Variants in RTL9 observed in about 807,000 individuals in gnomAD.
The protein encoded by RTL9 is retrotransposon Gag-like protein 9.
A neutral mutation model predicts 44.7 loss-of-function variants in RTL9; 19 were observed. The observed-to-expected ratio is 0.42, with a 90% CI of 0.30 to 0.62. The LOEUF (loss-of-function observed/expected upper bound fraction) is 0.62, where lower values mean the gene tolerates loss of function less well. RTL9 is among the 20% of genes least tolerant of loss of function. The pLI, the probability that RTL9 is intolerant of heterozygous loss-of-function variation, is 0.16. For missense variants in RTL9, 1,105 were observed against 1,080.6 expected (o/e 1.02, Z -0.32); for synonymous variants, 407 against 398.9 (o/e 1.02, Z -0.24).
chrX:110,398,595 G>A lies in RTL9; in HGVS notation c.-168+39679G>A, dbSNP rs766870511. Among the ~76,000 whole-genome samples, 3 of 111,687 alleles carry A rather than the reference G, an allele frequency of 2.7e-5. No homozygotes were observed. The East Asian group carries it at 8.5e-4, about 32-fold the overall frequency. On this transcript the variant is annotated intron_variant, in intron 1 of 2. Coordinates refer to the RTL9 transcript ENST00000520821. ...TGGGGCTCAGAGAGGTTAGTGACTT[G>A]CCCAAGGTCATAGAACTAGGACACA...
At chrX:110,402,438 G>C (rs902761244) in intron 1 of RTL9, among the ~76,000 whole-genome samples, 4 of 112,967 alleles carry the variant, frequency 3.5e-5, no homozygotes, top group South Asian at 3.6e-4. Context: ...TCCTGTCAGG[G>C]AGAGGAGACG....
exon 1 of RTL9, chrX:110,454,627 T>C: frequency 8.3e-7 from 1 of 1,204,802 alleles, no homozygotes; most frequent in Admixed American, 2.2e-5. Flanking sequence ...GAGGAGGCCA[T>C]GGGGAATGAA....
At chrX:110,415,630 A>G, upstream of RTL9, among the ~76,000 whole-genome samples, 1 of 111,435 alleles carries the variant, frequency 9.0e-6, no homozygotes, top group Non-Finnish European at 1.9e-5. Flanking sequence ...TTGCATGGTC[A>G]GGAATCTTGC....
chrX:110,369,193 G>A (rs1473052941), intron 1 of RTL9, among the ~76,000 whole-genome samples: 1 of 110,777 alleles, frequency 9.0e-6, no homozygotes, highest in East Asian at 2.8e-4. Flanking sequence ...TTAACCGGGT[G>A]TGGTGGCACG....
chrX:110,380,364 A>G (rs1569418495), intron 1 of RTL9, among the ~76,000 whole-genome samples: 2 of 111,898 alleles, frequency 1.8e-5, no homozygotes, highest in African/African-American at 3.3e-5. Context: ...AAAAAAAATT[A>G]AATACCTAAG....
At chrX:110,430,428 A>C (rs147178690) in intron 1 of RTL9, among the ~76,000 whole-genome samples, 1 of 112,601 alleles carries the variant, frequency 8.9e-6, no homozygotes, top group East Asian at 2.8e-4. Flanking sequence ...TTATCTTCAC[A>C]TTACAGAGGA....
chrX:110,392,631 C>T (rs2068502636), intron 1 of RTL9, among the ~76,000 whole-genome samples: 1 of 111,106 alleles, frequency 9.0e-6, no homozygotes, highest in African/African-American at 3.3e-5. Context: ...AATCCATTTA[C>T]AAGGGCTCAC....
upstream of RTL9, among the ~76,000 whole-genome samples, chrX:110,417,829 G>A (rs138322352): frequency 8.6e-4 from 97 of 112,622 alleles, no homozygotes; most frequent in Middle Eastern, 4.6e-3. Context: ...TGAGGCTGAT[G>A]TTGTTATCCC....
At chrX:110,371,782 T>C (rs1390615199) in intron 1 of RTL9, among the ~76,000 whole-genome samples, 1 of 111,680 alleles carries the variant, frequency 9.0e-6, no homozygotes. Context: ...CTATGGCTAC[T>C]CTGTCTAGGT....
upstream of RTL9, among the ~76,000 whole-genome samples, chrX:110,448,535 T>C (rs1180613616): frequency 9.2e-6 from 1 of 108,346 alleles, no homozygotes; most frequent in Non-Finnish European, 1.9e-5. Context: ...TGGAGTTGCA[T>C]AGGCCAAGTG....
chrX:110,442,597 G>A (rs1001159767), intron 1 of RTL9, among the ~76,000 whole-genome samples: 2 of 111,566 alleles, frequency 1.8e-5, no homozygotes, highest in African/African-American at 6.5e-5. Context: ...TGAAAAGTCA[G>A]AATTAAATAG....
chrX:110,442,787 C>T (rs1406136809), intron 1 of RTL9, among the ~76,000 whole-genome samples: 1 of 111,673 alleles, frequency 9.0e-6, no homozygotes, highest in African/African-American at 3.3e-5. Flanking sequence ...GGTGACTATT[C>T]TTGGTACCAC....
intron 1 of RTL9, among the ~76,000 whole-genome samples, chrX:110,401,782 G>A (rs138052073): frequency 0.011 from 1,180 of 112,151 alleles, 9 homozygotes; most frequent in Middle Eastern, 0.023. Context: ...TTCCTCCCCT[G>A]TAAAATGGAT....
In RTL9 at chrX:110,453,676, G is replaced by C. The variant is rs1163071757; in HGVS notation, c.3059G>C (p.Arg1020Thr). The C allele has an allele frequency of 2.5e-6, 3 of 1,211,919 alleles. No individual in the cohort carries two copies. The South Asian group carries it at 5.3e-5, about 21-fold the overall frequency. ...GGAAGGATGGCCACAGCGCCAATTA[G>C]AGCCTCTGCTTCTGGAGCAAGGTCC... The change falls in exon 1 of 2, where the codon AGA becomes ACA. Residue 1020 changes from arginine (R) to threonine (T), a missense_variant. Arg to Thr is a moderately conservative substitution (Grantham distance 71). Transcript: ENST00000540313.
chrX:110,440,779 T>C (rs924259245), intron 1 of RTL9, among the ~76,000 whole-genome samples: 1 of 112,534 alleles, frequency 8.9e-6, no homozygotes, highest in African/African-American at 3.2e-5. Context: ...TAAGTAAATG[T>C]CAGCTTCTTA....
chrX:110,399,823 T>C (rs1030216203), intron 1 of RTL9, among the ~76,000 whole-genome samples: 1 of 111,930 alleles, frequency 8.9e-6, no homozygotes, highest in Non-Finnish European at 1.9e-5. Flanking sequence ...GGGAGTTCTA[T>C]GGAGTTCGAA....
intron 1 of RTL9, among the ~76,000 whole-genome samples, chrX:110,393,422 T>G (rs752734566): frequency 8.9e-6 from 1 of 111,976 alleles, no homozygotes; most frequent in Non-Finnish European, 1.9e-5. Flanking sequence ...ACAAGGCAGA[T>G]ACTATTATCT....
chrX:110,399,022 A>G (rs773117857), intron 1 of RTL9, among the ~76,000 whole-genome samples: 11 of 112,197 alleles, frequency 9.8e-5, no homozygotes, highest in African/African-American at 3.6e-4. Context: ...GTTACCTATT[A>G]GCCGTTTCTC....
Position 110,364,900 on chromosome X carries a change from G to T in RTL9, c.-168+5984G>T, listed in dbSNP as rs143052609. Among the ~76,000 whole-genome samples the T allele has an allele frequency of 8.0e-3, 896 of 112,016 alleles. 4 individuals carry two copies. The highest frequency in any genetic ancestry group is 0.027 in the African/African-American group (837 of 30,831). On this transcript the variant is annotated intron_variant, in intron 1 of 2. Transcript: ENST00000520821. ...ATTCCCTGTAGTGCCAACTATATTTGTTCCTGAGCCTCAGCTCCCTGCATC... is the reference window on the plus strand; with the variant it reads ...ATTCCCTGTAGTGCCAACTATATTTTTTCCTGAGCCTCAGCTCCCTGCATC...
Sources: allele counts gnomAD v4.1 joint callset (sites outside exome capture counted in the v4.1 genomes callset), GRCh38; gene constraint gnomAD v4.1.1; transcripts MANE v1.5; gene names NCBI Gene and HGNC (gene_info 2026-07-23, HGNC 2026-07-21).